FNDC3B: variants seen among roughly 807,000 people sequenced by gnomAD.
The protein encoded by FNDC3B is fibronectin type III domain containing 3B.
In FNDC3B, 12 loss-of-function variants were observed where a neutral mutation model predicts 151.5. That is an observed-to-expected ratio of 0.08 (90% CI 0.05 to 0.13). The LOEUF (loss-of-function observed/expected upper bound fraction) is 0.13. Among genes scored for constraint, FNDC3B ranks in the 10% least tolerant of loss-of-function variants. The pLI, the probability that FNDC3B is intolerant of heterozygous loss-of-function variation, is 1.00. For missense variants in FNDC3B, 1,214 were observed against 1,505.3 expected (o/e 0.81, Z 3.20); for synonymous variants, 528 against 549.0 (o/e 0.96, Z 0.54).
intron 3 of FNDC3B, among the ~76,000 whole-genome samples, chr3:172,193,838 A>G (rs915845680): frequency 2.6e-5 from 4 of 152,194 alleles, no homozygotes; most frequent in African/African-American, 7.2e-5. Context: ...TTTAATAACT[A>G]AAGTGTTCAC....
Position 172,346,315 on chromosome 3 carries a change from GT to G in FNDC3B, c.2251-8del. The G allele has an allele frequency of 1.5e-5, 23 of 1,540,594 alleles. No individual in the cohort carries two copies. Among genetic ancestry groups the G allele is most frequent in the Non-Finnish European group, 1.9e-5 (21 of 1,114,792 alleles). ...TATATACATACGTGTGTGTGCGTGT[GT>G]TTTCTTTCAGTATGGTCCCTATTCT... On this transcript the variant is annotated splice_polypyrimidine_tract_variant and intron_variant, in intron 19 of 25. Transcript: ENST00000415807.
intron 8 of FNDC3B, among the ~76,000 whole-genome samples, chr3:172,297,975 C>T (rs1730726272): frequency 6.6e-6 from 1 of 152,112 alleles, no homozygotes; most frequent in African/African-American, 2.4e-5. Context: ...AAAAATTGGG[C>T]AGTTTTCACC....
intron 1 of FNDC3B, among the ~76,000 whole-genome samples, chr3:172,057,662 C>T (rs557788774): frequency 6.7e-6 from 1 of 149,488 alleles, no homozygotes; most frequent in Non-Finnish European, 1.5e-5. Context: ...GACTTTAATG[C>T]TGGAGAAAAA....
At chr3:172,380,897 G>A in intron 24 of FNDC3B, 69 bp from the exon 25 acceptor site, 1 of 1,558,072 alleles carries the variant, frequency 6.4e-7, no homozygotes, top group South Asian at 1.1e-5. Flanking sequence ...CTCACTAATA[G>A]TGCTAAAGTG....
intron 1 of FNDC3B, among the ~76,000 whole-genome samples, chr3:172,074,840 T>G (rs920006933): frequency 6.6e-6 from 1 of 152,188 alleles, no homozygotes; most frequent in Non-Finnish European, 1.5e-5. Context: ...ATAATTGGTG[T>G]TGTCATCCAG....
intron 1 of FNDC3B, among the ~76,000 whole-genome samples, chr3:172,047,255 GA>G (rs140243228): frequency 0.025 from 3,758 of 152,204 alleles, 141 homozygotes; most frequent in African/African-American, 0.085. Context: ...AAGATCCCAG[GA>G]AATATAATGG....
intron 25 of FNDC3B, among the ~76,000 whole-genome samples, chr3:172,395,852 A>G (rs930527343): frequency 2.0e-5 from 3 of 152,220 alleles, no homozygotes; most frequent in African/African-American, 7.2e-5. Flanking sequence ...TTTCAGCATC[A>G]CAGAAATGCA....
intron 25 of FNDC3B, 45 bp downstream of exon 25, chr3:172,381,138 G>T: frequency 6.2e-7 from 1 of 1,606,098 alleles, no homozygotes; most frequent in Non-Finnish European, 8.5e-7. Flanking sequence ...AGTATGGCTG[G>T]CTCCATGCCT....
intron 3 of FNDC3B, among the ~76,000 whole-genome samples, chr3:172,147,420 T>C (rs1412563558): frequency 6.6e-6 from 1 of 152,204 alleles, no homozygotes; most frequent in Non-Finnish European, 1.5e-5. Flanking sequence ...ATGAAATGAT[T>C]GGACTGGGAC....
intron 2 of FNDC3B, among the ~76,000 whole-genome samples, chr3:172,113,419 A>C (rs1056753076): frequency 2.0e-5 from 3 of 152,226 alleles, no homozygotes; most frequent in Non-Finnish European, 4.4e-5. Flanking sequence ...TCTATCATAC[A>C]GTATATCCAA....
rs191560834 is a variant in FNDC3B, at chr3:172,314,214, G to C, written c.1254+3333G>C. 3.3e-5 allele frequency among the ~76,000 whole-genome samples: 5 copies of C among 151,680 alleles called. No homozygotes were observed. The East Asian group carries it at 9.7e-4, about 29-fold the overall frequency. Reference sequence around the variant, plus strand: ...CTTTCCCCACCCCTCCCCTCTCTAAGAGCCACAGCTCTCCCCTCCTCTCCT... The same window carrying C: ...CTTTCCCCACCCCTCCCCTCTCTAACAGCCACAGCTCTCCCCTCCTCTCCT... On this transcript the variant is annotated intron_variant, in intron 11 of 25. Coordinates refer to ENST00000415807, the MANE Select transcript of FNDC3B (RefSeq NM_022763.4).
chr3:172,051,962 GT>G (rs1716674792), intron 1 of FNDC3B, among the ~76,000 whole-genome samples: 1 of 152,000 alleles, frequency 6.6e-6, no homozygotes, highest in Admixed American at 6.6e-5. Context: ...TGTACATTTT[GT>G]TTGTTTATTG....
chr3:172,178,611 G>A (rs1723728150), intron 3 of FNDC3B, among the ~76,000 whole-genome samples: 1 of 152,166 alleles, frequency 6.6e-6, no homozygotes, highest in African/African-American at 2.4e-5. Flanking sequence ...AAAGATGGGA[G>A]GAGGGAAAAG....
chr3:172,210,125 G>A (rs1467707236), intron 3 of FNDC3B, among the ~76,000 whole-genome samples: 2 of 152,156 alleles, frequency 1.3e-5, no homozygotes, highest in African/African-American at 2.4e-5. Flanking sequence ...GCCCAGGGAC[G>A]CAGGCTCCCA....
intron 3 of FNDC3B, among the ~76,000 whole-genome samples, chr3:172,223,405 C>CA (rs1249134804): frequency 6.6e-6 from 1 of 152,130 alleles, no homozygotes; most frequent in Admixed American, 6.5e-5. Context: ...GTTTTGATGA[C>CA]AGTGACAAAA....
At chr3:172,177,139 T>C (rs1259285567) in intron 3 of FNDC3B, among the ~76,000 whole-genome samples, 1 of 152,206 alleles carries the variant, frequency 6.6e-6, no homozygotes, top group East Asian at 1.9e-4. Flanking sequence ...ACAGGATTCT[T>C]TGCTAAAACC....
rs568362682 is a variant in FNDC3B at position 172,200,720 on chromosome 3, C to G, written c.188-26151C>G. 4.6e-5 allele frequency among the ~76,000 whole-genome samples: 7 copies of G among 152,242 alleles called. No homozygotes were observed. In the East Asian group the frequency reaches 1.4e-3, roughly 29 times the overall value. On this transcript the variant is annotated intron_variant, in intron 3 of 25. Coordinates refer to ENST00000415807, the MANE Select transcript of FNDC3B (RefSeq NM_022763.4). ...CTGGGTTTATCAGAATGTAACCCCC[C>G]TCTTAAGTGGAGGAGCATCTGTAAT...
At chr3:172,050,918 A>G (rs1716617898) in intron 1 of FNDC3B, among the ~76,000 whole-genome samples, 1 of 152,070 alleles carries the variant, frequency 6.6e-6, no homozygotes, top group African/African-American at 2.4e-5. Flanking sequence ...ATTGAGAGTC[A>G]TGGTCTCCTC....
intron 24 of FNDC3B, among the ~76,000 whole-genome samples, chr3:172,380,560 G>A (rs187889603): frequency 3.3e-5 from 5 of 151,914 alleles, no homozygotes; most frequent in Admixed American, 6.6e-5. Flanking sequence ...TTTTGTATGC[G>A]TCTCATACCT....
Sources: allele counts gnomAD v4.1 joint callset (sites outside exome capture counted in the v4.1 genomes callset), GRCh38; gene constraint gnomAD v4.1.1; transcripts MANE v1.5; gene names NCBI Gene and HGNC (gene_info 2026-07-23, HGNC 2026-07-21).